The following LIPJ variants were observed in gnomAD, a reference collection of about 807,000 sequenced individuals.
The protein encoded by LIPJ is lipase family member J, also known as lipase member J.
In LIPJ, 33 loss-of-function variants were observed where a neutral mutation model predicts 39.8. The observed-to-expected ratio is 0.83, with a 90% CI of 0.63 to 1.11. LIPJ has a LOEUF of 1.11. Ranked by LOEUF, LIPJ falls within the 50% of genes least tolerant of loss-of-function variation. The pLI is 0.00. For missense variants in LIPJ, 422 were observed against 427.9 expected (o/e 0.99, Z 0.12); for synonymous variants, 128 against 139.2 (o/e 0.92, Z 0.57).
intron 2 of LIPJ, 131 bp from the exon 3 acceptor site, chr10:88,590,454 T>C: frequency 2.4e-6 from 1 of 412,134 alleles, no homozygotes; most frequent in Non-Finnish European, 4.4e-6. Flanking sequence ...GTTATTTAAT[T>C]CTTCAAAGCC....
chr10:88,611,421 T>A (rs529289149), downstream of LIPJ, among the ~76,000 whole-genome samples: 84 of 152,288 alleles, frequency 5.5e-4, 2 homozygotes, highest in South Asian at 0.016. Context: ...ACAAAATCTC[T>A]GAATTGCTAG....
At chr10:88,589,394 T>A (rs1013579787) in intron 2 of LIPJ, among the ~76,000 whole-genome samples, 7 of 151,940 alleles carry the variant, frequency 4.6e-5, no homozygotes, top group African/African-American at 1.4e-4. Flanking sequence ...CCATGTGCAG[T>A]TAAATTAGCA....
chr10:88,603,374 C>T (rs1395492687), intron 9 of LIPJ, among the ~76,000 whole-genome samples: 1 of 152,108 alleles, frequency 6.6e-6, no homozygotes, highest in Non-Finnish European at 1.5e-5. Flanking sequence ...TCCTGAGAAC[C>T]ATGAGAAGTT....
the LIPJ span, among the ~76,000 whole-genome samples, chr10:88,621,083 A>G: frequency 3.3e-5 from 5 of 152,198 alleles, no homozygotes; most frequent in Non-Finnish European, 7.3e-5. Flanking sequence ...CACATGGAGT[A>G]TTCAGGCTTC....
chr10:88,613,266 C>T, the LIPJ span, among the ~76,000 whole-genome samples: 2 of 152,124 alleles, frequency 1.3e-5, no homozygotes, highest in Non-Finnish European at 2.9e-5. Flanking sequence ...GAATAGGGGC[C>T]TAGGTGAAAT....
chr10:88,596,724 A>C (rs1326981826), intron 7 of LIPJ, 66 bp from the exon 8 acceptor site: 62 of 1,332,076 alleles, frequency 4.7e-5, no homozygotes, highest in Non-Finnish European at 6.2e-5. Flanking sequence ...ATAGTGAATT[A>C]CCACAACATT....
chr10:88,583,384 T>TTTGCC (rs1850779833), upstream of LIPJ: 1 of 1,385,430 alleles, frequency 7.2e-7, no homozygotes, highest in East Asian at 2.8e-5. Context: ...GGCCCCTCCG[T>TTTGCC]CCTTGAGGAG....
chr10:88,590,475 T>C (rs1188044225), intron 2 of LIPJ, 110 bp from the exon 3 acceptor site: 2 of 437,418 alleles, frequency 4.6e-6, no homozygotes, highest in Non-Finnish European at 8.2e-6. Flanking sequence ...TCTGTTTTCT[T>C]ACCTGAAAAC....
chr10:88,599,055 T>C (rs1851372447), intron 8 of LIPJ, among the ~76,000 whole-genome samples: 2 of 148,652 alleles, frequency 1.3e-5, no homozygotes, highest in Admixed American at 1.4e-4. Flanking sequence ...GATAAATACC[T>C]GAGAAGAATG....
chr10:88,602,754 G>T, intron 9 of LIPJ, 107 bp downstream of exon 9: 1 of 550,476 alleles, frequency 1.8e-6, no homozygotes. Flanking sequence ...AATTTATAAG[G>T]ATAAAATGAA....
At chr10:88,588,068 T>C (rs1407669481) in intron 2 of LIPJ, among the ~76,000 whole-genome samples, 1 of 151,986 alleles carries the variant, frequency 6.6e-6, no homozygotes, top group African/African-American at 2.4e-5. Flanking sequence ...ACACTTGAGG[T>C]GTTTTTAGAG....
chr10:88,597,693 A>G (rs577730518), intron 8 of LIPJ, among the ~76,000 whole-genome samples: 6 of 151,922 alleles, frequency 3.9e-5, no homozygotes, highest in African/African-American at 1.4e-4. Flanking sequence ...ATTTTGTTCA[A>G]CCTTACTTTA....
chr10:88,583,561 C>G (rs1005787300), upstream of LIPJ: 1 of 1,049,318 alleles, frequency 9.5e-7, no homozygotes, highest in Non-Finnish European at 1.1e-6. Flanking sequence ...CTTAACCTAT[C>G]TACTGCGATA....
At position 88,596,785 on chromosome 10, in the gene LIPJ, T is replaced by C. The variant is rs767685245; in HGVS notation, c.577-5T>C. 6.3e-7 allele frequency: 1 copy of C among 1,597,086 alleles called. No individual in the cohort carries two copies. The highest frequency in any genetic ancestry group is 8.5e-7 in the Non-Finnish European group (1 of 1,172,234). On this transcript the variant is annotated splice_region_variant and splice_polypyrimidine_tract_variant and intron_variant, in intron 7 of 10. Coordinates refer to ENST00000371939, the Ensembl canonical transcript of LIPJ. ...AAATGTGGATAAAATAAATTTATTT[T>C]ACAGGCTTTTTCAGGCAACAAAGAC...
chr10:88,600,133 C>T (rs1851424235), intron 8 of LIPJ, among the ~76,000 whole-genome samples: 1 of 152,046 alleles, frequency 6.6e-6, no homozygotes, highest in Non-Finnish European at 1.5e-5. Flanking sequence ...TTTATATCCA[C>T]ATCCTAAATA....
At chr10:88,594,197 A>G in intron 5 of LIPJ, 53 bp downstream of exon 5, 3 of 1,330,766 alleles carry the variant, frequency 2.3e-6, no homozygotes, top group African/African-American at 1.5e-5. Flanking sequence ...CAAATTTTTC[A>G]TTTTGAATGC....
chr10:88,596,808 G>A (rs761517287), exon 8 of LIPJ: 1 of 1,601,078 alleles, frequency 6.2e-7, no homozygotes, highest in Non-Finnish European at 8.5e-7. Context: ...AGGCAACAAA[G>A]ACTTCTTGCC....
chr10:88,609,472 C>T (rs1851724600), downstream of LIPJ, among the ~76,000 whole-genome samples: 1 of 152,122 alleles, frequency 6.6e-6, no homozygotes, highest in Non-Finnish European at 1.5e-5. Flanking sequence ...AAGTATTACT[C>T]ATGTTGATAT....
At chr10:88,594,843 A>G (rs1851205283) in intron 6 of LIPJ, 67 bp downstream of exon 6, 1 of 694,244 alleles carries the variant, frequency 1.4e-6, no homozygotes, top group Non-Finnish European at 2.3e-6. Flanking sequence ...TATACTTCTT[A>G]AAGTTGTAGA....
Sources: allele counts gnomAD v4.1 joint callset (sites outside exome capture counted in the v4.1 genomes callset), GRCh38; gene constraint gnomAD v4.1.1; transcripts MANE v1.5; gene names NCBI Gene and HGNC (gene_info 2026-07-23, HGNC 2026-07-21).